Variants in NPAS2 observed in about 807,000 individuals in gnomAD.
NPAS2 encodes the protein neuronal PAS domain protein 2, also known as neuronal PAS domain-containing protein 2.
NPAS2 carries 23 observed loss-of-function variants against 107.5 expected under a neutral mutation model. The observed-to-expected ratio is 0.21, with a 90% confidence interval of 0.15 to 0.30. The LOEUF is 0.30. Ranked by LOEUF, NPAS2 falls within the 10% of genes least tolerant of loss-of-function variation. The pLI, the probability that NPAS2 is intolerant of heterozygous loss-of-function variation, is 1.00. For synonymous variants in NPAS2, 403 were observed against 417.5 expected, an observed-to-expected ratio of 0.97 and a Z score of 0.42; for missense variants, 756 against 1,043.3, an observed-to-expected ratio of 0.72 and a Z score of 3.79.
chr2:100,956,917 G>A (rs1042938477), intron 7 of NPAS2, among the ~76,000 whole-genome samples: 24 of 152,212 alleles, frequency 1.6e-4, no homozygotes, highest in African/African-American at 5.5e-4. Flanking sequence ...ACTAGGTGAC[G>A]TTACACTCTC....
At chr2:100,885,017 T>C (rs1347756259) in intron 1 of NPAS2, among the ~76,000 whole-genome samples, 1 of 151,910 alleles carries the variant, frequency 6.6e-6, no homozygotes, top group Non-Finnish European at 1.5e-5. Flanking sequence ...GGCACAGTCT[T>C]GGCTCACTGC....
intron 14 of NPAS2, 135 bp downstream of exon 14, chr2:100,975,702 G>A: frequency 1.7e-6 from 1 of 572,114 alleles, no homozygotes; most frequent in Non-Finnish European, 3.0e-6. Context: ...GGCAGATGGG[G>A]GTGGGAAGTT....
chr2:100,877,467 AGAAAT>A lies in NPAS2; in HGVS notation c.-22-27264_-22-27260del, dbSNP rs1453612065. Among the ~76,000 whole-genome samples, 268 of 150,692 alleles carry A rather than the reference AGAAAT, an allele frequency of 1.8e-3. 3 individuals carry two copies. The highest frequency in any genetic ancestry group is 5.9e-3 in the African/African-American group (242 of 40,746). On this transcript the variant is annotated intron_variant, in intron 1 of 20. Coordinates refer to ENST00000335681, the MANE Select transcript of NPAS2 (RefSeq NM_002518.4). ...TCTCAAAAAAAAAAAAAAAAAAAAAAGAAATGGTTGAAATAAGAGAGCTTTCTGGA... is the reference window on the plus strand; with the variant it reads ...TCTCAAAAAAAAAAAAAAAAAAAAAAGGTTGAAATAAGAGAGCTTTCTGGA...
At chr2:100,831,094 G>A (rs544107893) in intron 1 of NPAS2, among the ~76,000 whole-genome samples, 1 of 152,228 alleles carries the variant, frequency 6.6e-6, no homozygotes, top group Admixed American at 6.5e-5. Context: ...GAGGTCAGGA[G>A]TTCAAGACCA....
At chr2:100,848,858 A>G (rs896163847) in intron 1 of NPAS2, among the ~76,000 whole-genome samples, 2 of 152,220 alleles carry the variant, frequency 1.3e-5, no homozygotes, top group Non-Finnish European at 2.9e-5. Flanking sequence ...ATTTGGGGAA[A>G]ATCTTGTGGT....
intron 1 of NPAS2, among the ~76,000 whole-genome samples, chr2:100,829,355 G>T (rs1676589656): frequency 6.6e-6 from 1 of 152,122 alleles, no homozygotes; most frequent in South Asian, 2.1e-4. Flanking sequence ...GTTTTGCCAT[G>T]TTGGCCAGGC....
At chr2:100,928,114 A>C (rs1266992174) in intron 3 of NPAS2, among the ~76,000 whole-genome samples, 1 of 152,170 alleles carries the variant, frequency 6.6e-6, no homozygotes. Context: ...ATGATCATAT[A>C]TACCTATTAA....
rs746214178 is a variant in NPAS2, at chr2:100,990,305, C to T, written c.1877C>T (p.Ser626Phe). 3.4e-5 allele frequency: 55 copies of T among 1,614,156 alleles called. 2 individuals carry two copies. In the Middle Eastern group the frequency reaches 4.9e-4, roughly 15 times the overall value. The stretch of plus-strand genomic sequence containing the variant: ...CAGCTAATGCAGAGCAGCGGCCGCT[C>T]TGGAAGCAGCCTAGTGTCCCCGTTC... Reference protein sequence around the residue: ...SSQLMQSSGRSGSSLVSPFSS... With the variant: ...SSQLMQSSGRFGSSLVSPFSS... The change falls in exon 18 of 21, where the codon TCT becomes TTT. Residue 626 changes from serine (S) to phenylalanine (F), a missense_variant. Physicochemically the swap from Ser to Phe is radical, Grantham distance 155 (BLOSUM62 -2). Transcript: ENST00000335681.
intron 20 of NPAS2, chr2:100,995,120 A>C (rs1469747838): frequency 2.4e-6 from 1 of 421,490 alleles, no homozygotes; most frequent in African/African-American, 2.0e-5. Context: ...TTACGAAACC[A>C]TTCCCCATAG....
chr2:100,954,800 TTAA>T (rs67655709), intron 7 of NPAS2, among the ~76,000 whole-genome samples: 96,241 of 151,254 alleles, frequency 0.64, 30,995 homozygotes, highest in African/African-American at 0.74. Context: ...AGATGTAATA[TTAA>T]TAATAATAAT....
intron 1 of NPAS2, among the ~76,000 whole-genome samples, chr2:100,843,584 G>C (rs1677583913): frequency 6.6e-6 from 1 of 152,240 alleles, no homozygotes; most frequent in South Asian, 2.1e-4. Context: ...ACTGATATTT[G>C]TTCATTGTTG....
intron 19 of NPAS2, among the ~76,000 whole-genome samples, chr2:100,992,563 T>TC (rs1248560487): frequency 6.6e-6 from 1 of 152,228 alleles, no homozygotes; most frequent in African/African-American, 2.4e-5. Context: ...CCCCTCGTTC[T>TC]CGATCTCCTC....
rs564718981 is a variant in NPAS2 at position 100,992,041 on chromosome 2, G to A, written c.2111+1169G>A. Among the ~76,000 whole-genome samples, 93 of 152,326 alleles carry A rather than the reference G, an allele frequency of 6.1e-4. 1 individual carries two copies. In the South Asian group the frequency reaches 0.012, roughly 19 times the overall value. On this transcript the variant is annotated intron_variant, in intron 19 of 20. Coordinates refer to ENST00000335681, the MANE Select transcript of NPAS2 (RefSeq NM_002518.4). Reference sequence around the variant, plus strand: ...TGTGGGGAGCCATCTGTAAAGTTCCGTTCATGTCTATCATTAGGTGGGAGG... The same window carrying A: ...TGTGGGGAGCCATCTGTAAAGTTCCATTCATGTCTATCATTAGGTGGGAGG...
intron 3 of NPAS2, 74 bp downstream of exon 3, chr2:100,925,368 C>T: frequency 6.5e-7 from 1 of 1,531,582 alleles, no homozygotes; most frequent in East Asian, 2.3e-5. Context: ...CCAATCTGGG[C>T]TGCCTGGTTG....
chr2:100,868,974 C>G (rs1315829227), intron 1 of NPAS2, among the ~76,000 whole-genome samples: 1 of 152,166 alleles, frequency 6.6e-6, no homozygotes, highest in Non-Finnish European at 1.5e-5. Flanking sequence ...ATTCTGCACC[C>G]AGTCTGGAGT....
intron 1 of NPAS2, among the ~76,000 whole-genome samples, chr2:100,826,194 AG>A (rs1329499426): frequency 6.6e-6 from 1 of 152,224 alleles, no homozygotes; most frequent in African/African-American, 2.4e-5. Flanking sequence ...CTGTAATCCC[AG>A]CACTTTGGGA....
intron 1 of NPAS2, among the ~76,000 whole-genome samples, chr2:100,868,216 A>G (rs1679367426): frequency 6.6e-6 from 1 of 152,194 alleles, no homozygotes; most frequent in Non-Finnish European, 1.5e-5. Context: ...TTCTTCATCT[A>G]AAATATCTCT....
At chr2:100,894,933 C>T (rs1252435663) in intron 1 of NPAS2, among the ~76,000 whole-genome samples, 4 of 152,250 alleles carry the variant, frequency 2.6e-5, no homozygotes, top group Non-Finnish European at 5.9e-5. Context: ...TTGTTGGAAG[C>T]AGTCTTCATT....
intron 7 of NPAS2, among the ~76,000 whole-genome samples, chr2:100,958,824 A>G (rs1675733739): frequency 6.6e-6 from 1 of 152,122 alleles, no homozygotes; most frequent in South Asian, 2.1e-4. Context: ...ATCCACACCA[A>G]CCGTCTAGTG....
Sources: gnomAD v4.1 joint callset for allele counts (sites outside exome capture counted in the v4.1 genomes callset) on GRCh38, gnomAD v4.1.1 for gene constraint, MANE v1.5 for transcripts, NCBI Gene and HGNC (gene_info 2026-07-23, HGNC 2026-07-21) for gene names.